AKAP1: variants seen among roughly 807,000 people sequenced by gnomAD.
The protein encoded by AKAP1 is A-kinase anchor protein 1, mitochondrial.
A neutral mutation model predicts 79.8 loss-of-function variants in AKAP1; 32 were observed. That is an observed-to-expected ratio of 0.40 (90% CI 0.30 to 0.54). AKAP1 has a LOEUF of 0.54. Ranked by LOEUF, AKAP1 falls within the 20% of genes least tolerant of loss-of-function variation. The probability of loss-of-function intolerance (pLI) is 0.47; values close to 1 mark genes in which losing one functional copy is unlikely to be tolerated. For synonymous variants in AKAP1, 416 were observed against 466.7 expected (o/e 0.89, Z 1.40); for missense variants, 961 against 1,138.9 (o/e 0.84, Z 2.25).
intron 7 of AKAP1, among the ~76,000 whole-genome samples, chr17:57,116,617 G>GA (rs1273711510): frequency 2.0e-5 from 3 of 152,048 alleles, no homozygotes; most frequent in Non-Finnish European, 2.9e-5. Flanking sequence ...AACAAAAAAG[G>GA]AAAAAAGTGA....
At chr17:57,105,139 G>A (rs1282233633) in intron 1 of AKAP1, among the ~76,000 whole-genome samples, 1 of 152,192 alleles carries the variant, frequency 6.6e-6, no homozygotes, top group African/African-American at 2.4e-5. Flanking sequence ...GAGAGAATTT[G>A]GCATCATGAA....
chr17:57,091,239 A>C (rs1913764571), intron 1 of AKAP1, among the ~76,000 whole-genome samples: 1 of 152,188 alleles, frequency 6.6e-6, no homozygotes, highest in Non-Finnish European at 1.5e-5. Flanking sequence ...TGCTGCAAAT[A>C]ACCTCCCTGC....
At chr17:57,091,697 T>G (rs1180564126) in intron 1 of AKAP1, among the ~76,000 whole-genome samples, 1 of 152,018 alleles carries the variant, frequency 6.6e-6, no homozygotes, top group Non-Finnish European at 1.5e-5. Context: ...TTTATTTATT[T>G]ATTTATTTAG....
At chr17:57,114,313 A>G in intron 5 of AKAP1, 146 bp from the exon 6 acceptor site, 3 of 952,318 alleles carry the variant, frequency 3.2e-6, no homozygotes, top group East Asian at 2.6e-5. Context: ...TAGTCCTTCA[A>G]CCTCTACCTT....
rs574141723 is a variant in AKAP1, at chr17:57,104,324, T to A, written c.-24-1117T>A. Among the ~76,000 whole-genome samples, 34 of 152,332 alleles carry A rather than the reference T, an allele frequency of 2.2e-4. 1 individual carries two copies. The highest frequency in any genetic ancestry group is 8.2e-4 in the African/African-American group (34 of 41,566). On this transcript the variant is annotated intron_variant, in intron 1 of 10. Coordinates refer to ENST00000337714, the MANE Select transcript of AKAP1 (RefSeq NM_003488.4). Reference sequence around the variant, plus strand: ...CCTTCTAGAAACAATTTGATGTGTGTGCCTTGCAGACCTATGCTGGTTCTC... The same window carrying A: ...CCTTCTAGAAACAATTTGATGTGTGAGCCTTGCAGACCTATGCTGGTTCTC...
chr17:57,090,080 A>G (rs1257792570), intron 1 of AKAP1, among the ~76,000 whole-genome samples: 2 of 152,160 alleles, frequency 1.3e-5, no homozygotes, highest in African/African-American at 4.8e-5. Context: ...GTTAGGGGCC[A>G]TTCTTCACAG....
At chr17:57,114,373 A>T in intron 5 of AKAP1, 86 bp from the exon 6 acceptor site, 2 of 1,508,614 alleles carry the variant, frequency 1.3e-6, no homozygotes. Flanking sequence ...ATGCTAGCCC[A>T]GAGACTTGCC....
chr17:57,099,311 G>A (rs1374281993), intron 1 of AKAP1, among the ~76,000 whole-genome samples: 3 of 152,188 alleles, frequency 2.0e-5, no homozygotes, highest in Admixed American at 1.3e-4. Context: ...CTGGTGGAGC[G>A]CTTCAAGCCA....
At chr17:57,109,688 C>A (rs1443674922) in intron 2 of AKAP1, among the ~76,000 whole-genome samples, 1 of 152,174 alleles carries the variant, frequency 6.6e-6, no homozygotes, top group African/African-American at 2.4e-5. Flanking sequence ...CGTGTCTCCT[C>A]CCCCGCCCTC....
rs563080420 is a variant in AKAP1, at chr17:57,090,241, T to C, written c.-25+4843T>C. 2.1e-4 allele frequency among the ~76,000 whole-genome samples: 32 copies of C among 152,272 alleles called. 1 individual carries two copies. The highest frequency in any genetic ancestry group is 7.7e-4 in the African/African-American group (32 of 41,544). On this transcript the variant is annotated intron_variant, in intron 1 of 10. Coordinates refer to ENST00000337714, the MANE Select transcript of AKAP1 (RefSeq NM_003488.4). Reference sequence around the variant, plus strand: ...CTAGATTGACCTTTGGTATATATAATGTGAGATCTCTTTTCTTGGAGCCAG... The same window carrying C: ...CTAGATTGACCTTTGGTATATATAACGTGAGATCTCTTTTCTTGGAGCCAG...
At chr17:57,116,576 C>T (rs1329770780) in intron 7 of AKAP1, among the ~76,000 whole-genome samples, 1 of 152,082 alleles carries the variant, frequency 6.6e-6, no homozygotes, top group Non-Finnish European at 1.5e-5. Context: ...CCAGACCGGG[C>T]AGTATAGCGA....
chr17:57,119,250 A>T (rs530928662), intron 10 of AKAP1, among the ~76,000 whole-genome samples: 12 of 152,316 alleles, frequency 7.9e-5, no homozygotes, highest in African/African-American at 2.6e-4. Flanking sequence ...GCCACTAAAC[A>T]TCCCATAGTA....
At chr17:57,094,877 T>G (rs1013301791) in intron 1 of AKAP1, 6 of 152,216 alleles carry the variant, frequency 3.9e-5, no homozygotes, top group African/African-American at 1.2e-4. Context: ...CCCAAAGTGT[T>G]GGGATTACAG....
rs532174566 is a variant in AKAP1 at position 57,107,267 on chromosome 17, T to G, written c.1714+89T>G. The G allele has an allele frequency of 1.9e-5, 28 of 1,503,984 alleles. No individual in the cohort carries two copies. In the South Asian group the frequency reaches 3.6e-4, roughly 19 times the overall value. 93.2% of individuals were successfully genotyped at this position (1,503,984 alleles called of 1,614,324 possible). On this transcript the variant is annotated intron_variant, in intron 2 of 10. Transcript: ENST00000337714. ...CCAGTCTGCCTCTCCCTTCTGCTACTTGTGCAGCAAAGTCATAGTGCTCTT... is the reference window on the plus strand; with the variant it reads ...CCAGTCTGCCTCTCCCTTCTGCTACGTGTGCAGCAAAGTCATAGTGCTCTT...
intron 6 of AKAP1, 69 bp downstream of exon 6, chr17:57,114,705 C>A (rs1383469227): frequency 2.8e-6 from 4 of 1,449,972 alleles, no homozygotes; most frequent in African/African-American, 2.8e-5. Flanking sequence ...GGATCCTGAT[C>A]AGGAGGAGGC....
At chr17:57,109,509 G>A (rs1915103117) in intron 2 of AKAP1, among the ~76,000 whole-genome samples, 1 of 152,242 alleles carries the variant, frequency 6.6e-6, no homozygotes, top group South Asian at 2.1e-4. Flanking sequence ...AGGCAGGCCA[G>A]TGAGGACTTT....
At chr17:57,100,428 A>AACACACACACACAC (rs71363890) in intron 1 of AKAP1, among the ~76,000 whole-genome samples, 2,138 of 149,788 alleles carry the variant, frequency 0.014, 28 homozygotes, top group Middle Eastern at 0.031. Flanking sequence ...TCTCTGCTAA[A>AACACACACACACAC]ACACACACAC....
At chr17:57,088,411 T>C (rs746829341) in intron 1 of AKAP1, among the ~76,000 whole-genome samples, 52 of 152,188 alleles carry the variant, frequency 3.4e-4, no homozygotes, top group Non-Finnish European at 5.9e-4. Context: ...GATGCCTCTT[T>C]CTTGATAGTT....
At chr17:57,107,476 T>C (rs1422932182) in intron 2 of AKAP1, among the ~76,000 whole-genome samples, 1 of 152,154 alleles carries the variant, frequency 6.6e-6, no homozygotes, top group Non-Finnish European at 1.5e-5. Context: ...TTAACATTAG[T>C]GTGCCTCTTT....
Sources: gnomAD v4.1 joint callset for allele counts (sites outside exome capture counted in the v4.1 genomes callset) on GRCh38, gnomAD v4.1.1 for gene constraint, MANE v1.5 for transcripts, NCBI Gene and HGNC (gene_info 2026-07-23, HGNC 2026-07-21) for gene names.